Variants in RXRA observed in about 807,000 individuals in gnomAD.
RXRA encodes retinoid X receptor alpha.
In RXRA, 5 loss-of-function variants were observed where a neutral mutation model predicts 44.5. The observed-to-expected ratio is 0.11, with a 90% CI of 0.06 to 0.24. The LOEUF is 0.24. Ranked by LOEUF, RXRA falls within the 10% of genes least tolerant of loss-of-function variation. The pLI is 1.00. For synonymous variants in RXRA, 291 were observed against 271.4 expected (o/e 1.07, Z -0.71); for missense variants, 412 against 646.5 (o/e 0.64, Z 3.93).
chr9:134,427,454 C>T (rs959641221), intron 6 of RXRA, among the ~76,000 whole-genome samples: 5 of 152,220 alleles, frequency 3.3e-5, no homozygotes, highest in East Asian at 1.9e-4. Flanking sequence ...TCAGACCGCC[C>T]GTGGTGCCGT....
rs183105298 is a variant in RXRA at position 134,435,953 on chromosome 9, C to A, written c.1242-514C>A. Among the ~76,000 whole-genome samples, 443 of 152,350 alleles carry A rather than the reference C, an allele frequency of 2.9e-3. 2 individuals are homozygous for A. Among genetic ancestry groups the A allele is most frequent in the African/African-American group, 9.7e-3 (404 of 41,578 alleles). ...CGATCGTAGCTCATTGCAGCCTCAA[C>A]CTCCTGGGCTCAAGCGGTCCTCCCT... is the stretch of plus-strand genomic sequence containing the variant. On this transcript the variant is annotated intron_variant, in intron 9 of 9. Coordinates refer to ENST00000481739, the MANE Select transcript of RXRA (RefSeq NM_002957.6).
chr9:134,434,092 T>C lies in RXRA; in HGVS notation c.1136-10T>C. On this transcript the variant is annotated splice_polypyrimidine_tract_variant and intron_variant, in intron 8 of 9. Transcript: ENST00000481739. ...GCTGAGGGTTCTGACCTGTGGCTTC[T>C]TCCTTTCAGACTCCAAGGGGCTCTC... The C allele has an allele frequency of 6.2e-7, 1 of 1,610,330 alleles. No homozygotes were observed. The highest frequency in any genetic ancestry group is 2.2e-5 in the East Asian group (1 of 44,842).
At position 134,407,074 on chromosome 9, in the gene RXRA, G is replaced by A. The variant is rs1831063248; in HGVS notation, c.280-1075G>A. 6.6e-6 allele frequency among the ~76,000 whole-genome samples: 1 copy of A among 152,170 alleles called. No individual in the cohort carries two copies. The highest frequency in any genetic ancestry group is 2.1e-4 in the South Asian group (1 of 4,830). On this transcript the variant is annotated intron_variant, in intron 2 of 9. Coordinates refer to ENST00000481739, the MANE Select transcript of RXRA (RefSeq NM_002957.6). This position sits in a 1 kb window ranked among gnomAD's most constrained non-coding sequence, Gnocchi z 4.8. Reference sequence around the variant, plus strand: ...AGTCCTGCAGGGACCAAGCATCCTTGTAAAGCCTCACAGCCCACCTGGGCA... The same window carrying A: ...AGTCCTGCAGGGACCAAGCATCCTTATAAAGCCTCACAGCCCACCTGGGCA...
At position 134,408,014 on chromosome 9, in the gene RXRA, G is replaced by A. The variant is rs1831083706; in HGVS notation, c.280-135G>A. ...TCCGGAGCAGCGTGGCGGGTGGGGG[G>A]CACGGCCCTCTCTAGCCTCGGTGTC... On this transcript the variant is annotated intron_variant, in intron 2 of 9. Transcript: ENST00000481739. 1.6e-5 allele frequency: 10 copies of A among 627,102 alleles called. No individual in the cohort carries two copies. The East Asian group carries it at 3.2e-4, about 20-fold the overall frequency. The allele number at this position is 627,102 out of a possible 1,614,324, so 38.8% of individuals were successfully genotyped here. A position where few individuals can be genotyped will look rare whatever the true frequency, so the allele number is the denominator to read the frequency against.
In RXRA at chr9:134,366,258, G is replaced by A. The variant is rs1490802928; in HGVS notation, c.29-35374G>A. ...TCTTCAGCACAGGTGCCCGCTGGGT[G>A]GTCTCCCATGTGTGCCCAGGAGGAG... On this transcript the variant is annotated intron_variant, in intron 1 of 9. Transcript: ENST00000481739. This position sits in a 1 kb window ranked among gnomAD's most constrained non-coding sequence, Gnocchi z 5.9. Among the ~76,000 whole-genome samples, 1 of 152,110 alleles carries A rather than the reference G, an allele frequency of 6.6e-6. No homozygotes were observed. Among genetic ancestry groups the A allele is most frequent in the Non-Finnish European group, 1.5e-5 (1 of 67,994 alleles).
At chr9:134,381,032 C>T (rs375498045) in intron 1 of RXRA, among the ~76,000 whole-genome samples, 7 of 152,168 alleles carry the variant, frequency 4.6e-5, no homozygotes, top group African/African-American at 9.7e-5. Context: ...AGTCTGAACC[C>T]GGTGGGGCCT....
In RXRA at chr9:134,421,712, G is replaced by A; in HGVS notation, c.817G>A (p.Asp273Asn). 1.3e-6 allele frequency: 2 copies of A among 1,578,828 alleles called. No homozygotes were observed. Among genetic ancestry groups the A allele is most frequent in the African/African-American group, 1.3e-5 (1 of 74,328 alleles). ...TGTCACCAACATTTGCCAAGCAGCC[G>A]ACAAACAGCTTTTCACCCTGGTGGA... ...DPVTNICQAA[D>N]KQLFTLVEWA... is the part of the protein sequence containing the mutation. Residue 273 changes from aspartate (D) to asparagine (N), a missense_variant, in exon 6 of 10, where the codon GAC becomes AAC. Asp to Asn is a conservative substitution (Grantham distance 23). This residue lies in a region of RXRA where 141 missense variants were observed against 270.8 expected (regional missense o/e 0.52). Transcript: ENST00000481739.
At chr9:134,376,489 C>T (rs539258797) in intron 1 of RXRA, among the ~76,000 whole-genome samples, 3 of 101,594 alleles carry the variant, frequency 3.0e-5, no homozygotes, top group South Asian at 6.5e-4. Flanking sequence ...CCTCCCCTGC[C>T]GCCCGCCACA....
At chr9:134,425,148 A>G (rs898070612) in intron 6 of RXRA, 27 of 985,206 alleles carry the variant, frequency 2.7e-5, no homozygotes, top group Non-Finnish European at 3.1e-5. Context: ...GTGGGGGTGC[A>G]GTGGCCACAG....
At chr9:134,367,075 G>A (rs1479492300) in intron 1 of RXRA, among the ~76,000 whole-genome samples, 5 of 152,120 alleles carry the variant, frequency 3.3e-5, no homozygotes, top group African/African-American at 7.2e-5. Flanking sequence ...TTTTTAAGGC[G>A]TGCAGTTCAG....
At chr9:134,395,038 G>A (rs1439633754) in intron 1 of RXRA, among the ~76,000 whole-genome samples, 1 of 152,258 alleles carries the variant, frequency 6.6e-6, no homozygotes, top group East Asian at 1.9e-4. Flanking sequence ...CACAGAGGCA[G>A]AGGCCGGACA....
chr9:134,432,001 G>A lies in RXRA; in HGVS notation c.1135+5G>A. On this transcript the variant is annotated splice_donor_5th_base_variant and intron_variant, in intron 8 of 9. Coordinates refer to ENST00000481739, the MANE Select transcript of RXRA (RefSeq NM_002957.6). ...CCATCGTCCTCTTTAACCCTGGTATGGCCTTCCTGCCTTGAGGCTTCTGGC... is the reference window on the plus strand; with the variant it reads ...CCATCGTCCTCTTTAACCCTGGTATAGCCTTCCTGCCTTGAGGCTTCTGGC... 1 of 1,611,198 alleles carries A rather than the reference G, an allele frequency of 6.2e-7. No individual in the cohort carries two copies. The highest frequency in any genetic ancestry group is 8.5e-7 in the Non-Finnish European group (1 of 1,177,648).
rs1473380587 is a variant in RXRA at position 134,375,823 on chromosome 9, T to C, written c.29-25809T>C. On this transcript the variant is annotated intron_variant, in intron 1 of 9. Coordinates refer to ENST00000481739, the MANE Select transcript of RXRA (RefSeq NM_002957.6). ...TTCTCGGTGTGAGAGTTTGTGTTAG[T>C]GGCTGGGGGATGCTGAGATTCTGTA... 2.0e-5 allele frequency among the ~76,000 whole-genome samples: 3 copies of C among 151,796 alleles called. No homozygotes were observed. In the East Asian group the frequency reaches 5.9e-4, roughly 30 times the overall value.
At chr9:134,328,543 C>G in intron 1 of RXRA, among the ~76,000 whole-genome samples, 1 of 152,220 alleles carries the variant, frequency 6.6e-6, no homozygotes, top group Non-Finnish European at 1.5e-5. Flanking sequence ...CCCAGGCAGC[C>G]CACGCCCCAG....
At chr9:134,350,829 G>A (rs570443305) in intron 1 of RXRA, among the ~76,000 whole-genome samples, 10 of 152,346 alleles carry the variant, frequency 6.6e-5, no homozygotes, top group South Asian at 2.1e-4. Context: ...GGGGCTGAGC[G>A]GCTGAGCCTG....
chr9:134,417,496 C>T lies in RXRA; in HGVS notation c.780+169C>T, dbSNP rs954441303. On this transcript the variant is annotated intron_variant, in intron 5 of 9. Coordinates refer to ENST00000481739, the MANE Select transcript of RXRA (RefSeq NM_002957.6). The surrounding 1 kb of genome is among the most constrained non-coding windows in gnomAD (Gnocchi z 6.1). ...ACCTGAGGTGACCCCGTGGGCCCCT[C>T]GCCCCAGCTGGGCGGCACTCTCCTC... 2.6e-5 allele frequency among the ~76,000 whole-genome samples: 4 copies of T among 152,134 alleles called. No homozygotes were observed. Among genetic ancestry groups the T allele is most frequent in the African/African-American group, 4.8e-5 (2 of 41,432 alleles).
intron 1 of RXRA, among the ~76,000 whole-genome samples, chr9:134,395,205 T>C (rs1287818574): frequency 6.6e-6 from 1 of 152,236 alleles, no homozygotes; most frequent in Non-Finnish European, 1.5e-5. Context: ...CACATGTCCA[T>C]GGGGCTGGCA....
At position 134,438,026 on chromosome 9, in the gene RXRA, C is replaced by T. The variant is rs1831656915; in HGVS notation, c.*1412C>T. On this transcript the variant is annotated 3_prime_UTR_variant, in exon 10 of 10. Transcript: ENST00000481739. ...GGGCTCCGGTGGTGCGGGGCCCTCT[C>T]AGGTTGAACTCGCCTCTTTTGCACT... The T allele has an allele frequency of 6.6e-6, 1 of 152,642 alleles. No individual in the cohort carries two copies. Among genetic ancestry groups the T allele is most frequent in the East Asian group, 1.9e-4 (1 of 5,194 alleles). The allele number at this position is 152,642 out of a possible 1,614,324, so 9.5% of individuals were successfully genotyped here. A position where few individuals can be genotyped will look rare whatever the true frequency, so the allele number is the denominator to read the frequency against.
chr9:134,375,291 G>T (rs1024586745), intron 1 of RXRA, among the ~76,000 whole-genome samples: 1 of 152,304 alleles, frequency 6.6e-6, no homozygotes, highest in African/African-American at 2.4e-5. Context: ...ACTGTGGGGA[G>T]GTGGGAGCTG....
Sources: allele counts gnomAD v4.1 joint callset (sites outside exome capture counted in the v4.1 genomes callset), GRCh38; gene constraint gnomAD v4.1.1; regional missense constraint gnomAD v4.1.1; non-coding constraint Gnocchi (gnomAD v3.1); transcripts MANE v1.5; gene names NCBI Gene and HGNC (gene_info 2026-07-23, HGNC 2026-07-21).